Variants in ACLY observed in about 807,000 individuals in gnomAD.
ACLY encodes ATP citrate lyase, also known as ATP-citrate synthase.
In ACLY, 41 loss-of-function variants were observed where a neutral mutation model predicts 133.0. The ratio of observed to expected loss-of-function variants is 0.31; its 90% confidence interval spans 0.24 to 0.40. The LOEUF is 0.40. Ranked by LOEUF, ACLY falls within the 10% of genes least tolerant of loss-of-function variation. ACLY has a pLI of 1.00. For missense variants in ACLY, 1,046 were observed against 1,453.8 expected (o/e 0.72, Z 4.56); for synonymous variants, 495 against 549.3 (o/e 0.90, Z 1.38).
intron 28 of ACLY, 133 bp from the exon 29 acceptor site, chr17:41,868,037 A>C (rs1351604489): frequency 5.3e-6 from 3 of 571,374 alleles, no homozygotes; most frequent in Non-Finnish European, 9.2e-6. Flanking sequence ...GTCCAAATCC[A>C]CTGTATAGGT....
chr17:41,925,292 TA>T (rs1253517260), intron 1 of ACLY, among the ~76,000 whole-genome samples: 7 of 150,900 alleles, frequency 4.6e-5, no homozygotes, highest in African/African-American at 1.5e-4. Flanking sequence ...TAAATGAAAA[TA>T]AAAAAATAAA....
At chr17:41,868,376 TGCA>T (rs1555624278) in intron 28 of ACLY, among the ~76,000 whole-genome samples, 1 of 139,484 alleles carries the variant, frequency 7.2e-6, no homozygotes, top group African/African-American at 2.7e-5. Context: ...AGGCAGAGGT[TGCA>T]GTGAGCTGAG....
In ACLY at chr17:41,867,699, C is replaced by T; in HGVS notation, c.*111G>A. 1.3e-6 allele frequency: 1 copy of T among 766,730 alleles called. No homozygotes were observed. The highest frequency in any genetic ancestry group is 2.0e-6 in the Non-Finnish European group (1 of 494,208). The allele number at this position is 766,730 out of a possible 1,614,324, so 47.5% of individuals were successfully genotyped here. On this transcript the variant is annotated 3_prime_UTR_variant, in exon 29 of 29. Coordinates refer to ENST00000352035, the MANE Select transcript of ACLY (RefSeq NM_001096.3). ...GTGCCTGTACCCCAGTGGCTGTTTACATTCCAGGCCCCTGCTAAATAAAGC... is the reference window on the plus strand; with the variant it reads ...GTGCCTGTACCCCAGTGGCTGTTTATATTCCAGGCCCCTGCTAAATAAAGC...
chr17:41,892,595 AG>A (rs1159646813), intron 15 of ACLY, 148 bp from the exon 16 acceptor site: 2 of 702,698 alleles, frequency 2.8e-6, no homozygotes, highest in Non-Finnish European at 4.7e-6. Context: ...AAGATCCCCC[AG>A]GAATACTGAC....
At chr17:41,882,677 C>T (rs917690507) in intron 20 of ACLY, among the ~76,000 whole-genome samples, 2 of 152,162 alleles carry the variant, frequency 1.3e-5, no homozygotes, top group Admixed American at 6.5e-5. Flanking sequence ...CATTTTAACA[C>T]ATCAAGAACA....
intron 21 of ACLY, 125 bp downstream of exon 21, chr17:41,878,672 A>G: frequency 8.2e-7 from 1 of 1,225,186 alleles, no homozygotes; most frequent in South Asian, 1.4e-5. Context: ...TGAACCATCC[A>G]TACAGCTGCG....
At chr17:41,918,227 C>T (rs1555634818) in intron 1 of ACLY, among the ~76,000 whole-genome samples, 1 of 152,204 alleles carries the variant, frequency 6.6e-6, no homozygotes, top group East Asian at 1.9e-4. Flanking sequence ...CACTTAGGGG[C>T]TGGACTCGAC....
intron 14 of ACLY, among the ~76,000 whole-genome samples, chr17:41,894,535 G>A (rs1391057515): frequency 4.0e-5 from 6 of 150,840 alleles, no homozygotes; most frequent in African/African-American, 7.3e-5. Flanking sequence ...CAGCCACCGC[G>A]GCATAGTGAG....
intron 4 of ACLY, among the ~76,000 whole-genome samples, chr17:41,909,939 A>AC (rs2049848776): frequency 6.6e-6 from 1 of 152,128 alleles, no homozygotes; most frequent in Non-Finnish European, 1.5e-5. Context: ...AATCAGTATG[A>AC]CCAACCCCAG....
At chr17:41,922,997 T>C (rs2050200665), upstream of ACLY, among the ~76,000 whole-genome samples, 1 of 152,140 alleles carries the variant, frequency 6.6e-6, no homozygotes. Context: ...AATTAATCAA[T>C]CTAGAACCCA....
upstream of ACLY, among the ~76,000 whole-genome samples, chr17:41,919,699 G>C (rs1157194896): frequency 6.6e-6 from 1 of 151,958 alleles, no homozygotes; most frequent in Admixed American, 6.5e-5. Flanking sequence ...CCAGCGAAGG[G>C]CTGGAGCCAT....
intron 26 of ACLY, among the ~76,000 whole-genome samples, 165 bp downstream of exon 26, chr17:41,869,309 A>T (rs935954732): frequency 6.6e-6 from 1 of 152,236 alleles, no homozygotes; most frequent in African/African-American, 2.4e-5. Context: ...CCCAACACCT[A>T]GTTGACATTT....
chr17:41,893,496 C>T (rs556285575), intron 14 of ACLY, among the ~76,000 whole-genome samples: 4 of 152,330 alleles, frequency 2.6e-5, no homozygotes, highest in African/African-American at 9.6e-5. Flanking sequence ...CTTCATTTCC[C>T]AGGCAAGGTG....
intron 14 of ACLY, among the ~76,000 whole-genome samples, chr17:41,895,370 T>G (rs955142327): frequency 6.6e-6 from 1 of 152,002 alleles, no homozygotes; most frequent in Non-Finnish European, 1.5e-5. Context: ...TACCAGCATC[T>G]CCAGCAGGAA....
chr17:41,879,406 C>A (rs2048846399), intron 20 of ACLY, among the ~76,000 whole-genome samples: 1 of 149,502 alleles, frequency 6.7e-6, no homozygotes. Flanking sequence ...ACGCCTGCCC[C>A]CCCCGCCTTT....
intron 4 of ACLY, 88 bp from the exon 5 acceptor site, chr17:41,909,788 T>C (rs982108746): frequency 4.3e-5 from 52 of 1,222,652 alleles, no homozygotes; most frequent in Non-Finnish European, 2.5e-5. Flanking sequence ...TGGTCTACCA[T>C]GTACTGGGAG....
chr17:41,900,066 C>A (rs2049485824), intron 11 of ACLY, among the ~76,000 whole-genome samples: 1 of 63,484 alleles, frequency 1.6e-5, no homozygotes, highest in Non-Finnish European at 3.3e-5. Flanking sequence ...GAGACCCTGT[C>A]TCCAAAAAAA....
intron 24 of ACLY, 91 bp downstream of exon 24, chr17:41,871,939 CAG>C (rs1440750699): frequency 1.8e-5 from 28 of 1,593,050 alleles, no homozygotes; most frequent in African/African-American, 8.0e-5. Context: ...GTTTTACACT[CAG>C]GGGCTCCTTC....
intron 10 of ACLY, among the ~76,000 whole-genome samples, chr17:41,903,550 C>T (rs1237909020): frequency 1.1e-4 from 17 of 151,812 alleles, no homozygotes; most frequent in African/African-American, 2.7e-4. Flanking sequence ...GTCAGGAGGT[C>T]GAGACCATCC....
Sources: gnomAD v4.1 joint callset for allele counts (sites outside exome capture counted in the v4.1 genomes callset) on GRCh38, gnomAD v4.1.1 for gene constraint, MANE v1.5 for transcripts, NCBI Gene and HGNC (gene_info 2026-07-23, HGNC 2026-07-21) for gene names.